C8orf34: variants seen among roughly 807,000 people sequenced by gnomAD.
The protein encoded by C8orf34 is uncharacterized protein C8orf34.
In C8orf34, 65 loss-of-function variants were observed where a neutral mutation model predicts 68.3. That is an observed-to-expected ratio of 0.95 (90% confidence interval 0.78 to 1.17). C8orf34 has a LOEUF of 1.17. Among genes scored for constraint, C8orf34 ranks in the 50% most tolerant of loss-of-function variants. The pLI is 0.00. For missense variants in C8orf34, 664 were observed against 655.4 expected (o/e 1.01, Z -0.14); for synonymous variants, 244 against 241.2 (o/e 1.01, Z -0.11).
chr8:68,757,425 T>A (rs569485733), intron 10 of C8orf34, among the ~76,000 whole-genome samples: 1 of 150,314 alleles, frequency 6.7e-6, no homozygotes, highest in Admixed American at 6.6e-5. Context: ...AGGTCAGGAG[T>A]TCAAGACCAG....
At chr8:68,621,448 A>T (rs888057887) in intron 7 of C8orf34, among the ~76,000 whole-genome samples, 2 of 152,252 alleles carry the variant, frequency 1.3e-5, no homozygotes, top group Non-Finnish European at 2.9e-5. Flanking sequence ...CTACAACACA[A>T]AAGAGAAAAT....
At chr8:68,769,323 C>A (rs1178084978) in intron 10 of C8orf34, among the ~76,000 whole-genome samples, 1 of 151,446 alleles carries the variant, frequency 6.6e-6, no homozygotes, top group Non-Finnish European at 1.5e-5. Flanking sequence ...AACTTTCCCT[C>A]TTTTTCACTT....
intron 3 of C8orf34, among the ~76,000 whole-genome samples, chr8:68,462,143 G>A (rs1210009984): frequency 8.6e-5 from 13 of 151,580 alleles, no homozygotes; most frequent in African/African-American, 1.2e-4. Context: ...TTGCAATCCT[G>A]GTCTCTGATA....
intron 1 of C8orf34, among the ~76,000 whole-genome samples, chr8:68,382,041 G>A (rs959518851): frequency 1.5e-4 from 23 of 152,142 alleles, no homozygotes; most frequent in South Asian, 6.2e-4. Flanking sequence ...GAAACATAGC[G>A]GACATAAGAA....
chr8:68,534,577 C>T (rs1815383570), intron 7 of C8orf34: 13 of 959,280 alleles, frequency 1.4e-5, no homozygotes, highest in Admixed American at 6.2e-5. Context: ...AGGAATGTTT[C>T]CTAGAGAAGC....
intron 4 of C8orf34, among the ~76,000 whole-genome samples, chr8:68,483,451 A>G (rs561850327): frequency 6.6e-6 from 1 of 152,222 alleles, no homozygotes; most frequent in South Asian, 2.1e-4. Flanking sequence ...TATCTTCCAG[A>G]CCCAGGGCTT....
intron 13 of C8orf34, 123 bp from the exon 14 acceptor site, chr8:68,818,116 A>T (rs1824875431): frequency 3.4e-6 from 3 of 878,400 alleles, no homozygotes. Flanking sequence ...TCTAATGTCA[A>T]TATCCTTTCA....
chr8:68,552,541 G>T (rs534734425), intron 7 of C8orf34, among the ~76,000 whole-genome samples: 14 of 151,696 alleles, frequency 9.2e-5, no homozygotes, highest in Non-Finnish European at 1.8e-4. Context: ...TTTTTATTTT[G>T]CAGTCTTACT....
chr8:68,461,719 T>A (rs1227450797), intron 3 of C8orf34, among the ~76,000 whole-genome samples: 5 of 152,048 alleles, frequency 3.3e-5, no homozygotes, highest in African/African-American at 1.2e-4. Flanking sequence ...AGAAATAAAA[T>A]CCTTTACAGA....
chr8:68,456,478 G>A lies in C8orf34; in HGVS notation c.607+10018G>A, dbSNP rs143325695. On this transcript the variant is annotated intron_variant, in intron 3 of 13. Coordinates refer to ENST00000518698, the MANE Select transcript of C8orf34 (RefSeq NM_052958.4). ...TGCTATGTGAATGAGTGCATAAAAG[G>A]TTGAATGAATAAATGAATAAATGAG... 2.1e-3 allele frequency among the ~76,000 whole-genome samples: 326 copies of A among 152,232 alleles called. 1 individual carries two copies. Among genetic ancestry groups the A allele is most frequent in the African/African-American group, 7.1e-3 (294 of 41,530 alleles).
chr8:68,697,077 G>A (rs978046015), intron 8 of C8orf34, among the ~76,000 whole-genome samples: 2 of 151,630 alleles, frequency 1.3e-5, no homozygotes, highest in Non-Finnish European at 2.9e-5. Context: ...ACCTCTTTTA[G>A]TGACTATATG....
At chr8:68,643,746 G>A (rs980697354) in intron 8 of C8orf34, among the ~76,000 whole-genome samples, 1 of 152,098 alleles carries the variant, frequency 6.6e-6, no homozygotes, top group Non-Finnish European at 1.5e-5. Context: ...CACACAGGGG[G>A]TTATGTTTCA....
chr8:68,496,628 A>G (rs1223037891), intron 5 of C8orf34, among the ~76,000 whole-genome samples: 2 of 152,192 alleles, frequency 1.3e-5, no homozygotes, highest in Non-Finnish European at 2.9e-5. Context: ...CACCCATGGA[A>G]GGGGCAAAAT....
intron 10 of C8orf34, among the ~76,000 whole-genome samples, chr8:68,772,953 C>T (rs1823397052): frequency 6.6e-6 from 1 of 151,238 alleles, no homozygotes; most frequent in African/African-American, 2.4e-5. Context: ...TCACATGCTC[C>T]TGTCTGCCTC....
chr8:68,537,562 A>T (rs922741405), intron 7 of C8orf34, among the ~76,000 whole-genome samples: 1 of 150,094 alleles, frequency 6.7e-6, no homozygotes, highest in Non-Finnish European at 1.5e-5. Flanking sequence ...GAGCACTTGA[A>T]AAATGAACTG....
chr8:68,645,867 A>C (rs893121819), intron 8 of C8orf34, among the ~76,000 whole-genome samples: 1 of 152,108 alleles, frequency 6.6e-6, no homozygotes, highest in Admixed American at 6.6e-5. Flanking sequence ...ATAGGGACTC[A>C]GATCATGCTA....
At chr8:68,545,827 A>G (rs184090240) in intron 7 of C8orf34, among the ~76,000 whole-genome samples, 113 of 152,278 alleles carry the variant, frequency 7.4e-4, no homozygotes, top group African/African-American at 2.5e-3. Context: ...AGACTATCTT[A>G]CTTTTCATTA....
chr8:68,660,632 C>A (rs1207411980), intron 8 of C8orf34, among the ~76,000 whole-genome samples: 3 of 152,152 alleles, frequency 2.0e-5, no homozygotes, highest in Non-Finnish European at 2.9e-5. Context: ...TTGTTGCCTG[C>A]CTCTGGATCC....
At chr8:68,691,907 A>G (rs17479286) in intron 8 of C8orf34, among the ~76,000 whole-genome samples, 28,287 of 151,980 alleles carry the variant, frequency 0.19, 3,071 homozygotes, top group Non-Finnish European at 0.24. Flanking sequence ...TTTAGGTTAT[A>G]AGTTTGTGTT....
Sources: allele counts gnomAD v4.1 joint callset (sites outside exome capture counted in the v4.1 genomes callset), GRCh38; gene constraint gnomAD v4.1.1; transcripts MANE v1.5; gene names NCBI Gene and HGNC (gene_info 2026-07-23, HGNC 2026-07-21).